SEL1L3: variants seen among roughly 807,000 people sequenced by gnomAD.
SEL1L3 encodes the protein SEL1L family member 3, also known as protein sel-1 homolog 3.
In SEL1L3, 76 loss-of-function variants were observed where a neutral mutation model predicts 142.8. That is an observed-to-expected ratio of 0.53 (90% CI 0.44 to 0.64). The LOEUF is 0.64. Ranked by LOEUF, SEL1L3 falls within the 30% of genes least tolerant of loss-of-function variation. SEL1L3 has a pLI of 0.00. For synonymous variants in SEL1L3, 504 were observed against 519.6 expected, an observed-to-expected ratio of 0.97 and a Z score of 0.41; for missense variants, 1,262 against 1,381.7, an observed-to-expected ratio of 0.91 and a Z score of 1.37.
At chr4:25,804,492 C>A in intron 10 of SEL1L3, 49 bp downstream of exon 10, 1 of 1,400,554 alleles carries the variant, frequency 7.1e-7, no homozygotes, top group South Asian at 1.2e-5. Context: ...CATTGCTTTG[C>A]AAATATAATG....
intron 1 of SEL1L3, among the ~76,000 whole-genome samples, chr4:25,848,569 G>A (rs1166760653): frequency 6.6e-6 from 1 of 152,200 alleles, no homozygotes; most frequent in Non-Finnish European, 1.5e-5. Flanking sequence ...TTGAGCATGA[G>A]GTGCTGATAT....
chr4:25,844,893 C>T (rs1307273200), intron 2 of SEL1L3, among the ~76,000 whole-genome samples: 3 of 145,324 alleles, frequency 2.1e-5, no homozygotes, highest in East Asian at 4.5e-4. Context: ...AACTACCCAT[C>T]CCACCCTCCC....
chr4:25,789,920 A>G (rs1712176045), intron 12 of SEL1L3, among the ~76,000 whole-genome samples: 1 of 152,338 alleles, frequency 6.6e-6, no homozygotes, highest in Non-Finnish European at 1.5e-5. Flanking sequence ...AGAGATGTTC[A>G]AGAGACAAGG....
chr4:25,760,431 A>G (rs1718298003), intron 20 of SEL1L3, among the ~76,000 whole-genome samples: 1 of 152,212 alleles, frequency 6.6e-6, no homozygotes, highest in Non-Finnish European at 1.5e-5. Context: ...CTTTGGGTAT[A>G]TACCCAGTAA....
chr4:25,851,715 C>A (rs1716911626), intron 1 of SEL1L3, among the ~76,000 whole-genome samples: 1 of 151,806 alleles, frequency 6.6e-6, no homozygotes, highest in South Asian at 2.1e-4. Context: ...ATGGTGAAAC[C>A]CCGTCTCTTC....
chr4:25,823,740 A>C (rs1375125122), intron 6 of SEL1L3, among the ~76,000 whole-genome samples: 2 of 152,198 alleles, frequency 1.3e-5, no homozygotes, highest in Non-Finnish European at 2.9e-5. Context: ...AAAGAAAACA[A>C]AGTGTCAGGC....
chr4:25,725,262 A>G, the SEL1L3 span, among the ~76,000 whole-genome samples: 1 of 152,134 alleles, frequency 6.6e-6, no homozygotes, highest in Non-Finnish European at 1.5e-5. Context: ...TAAAGAAATA[A>G]AAGAATGGCT....
At chr4:25,753,777 A>T (rs1717759113) in intron 23 of SEL1L3, among the ~76,000 whole-genome samples, 1 of 152,196 alleles carries the variant, frequency 6.6e-6, no homozygotes, top group Non-Finnish European at 1.5e-5. Context: ...TGAGGTCAGG[A>T]GTTCAAGACC....
chr4:25,717,608 G>A, the SEL1L3 span, among the ~76,000 whole-genome samples: 5 of 152,208 alleles, frequency 3.3e-5, no homozygotes, highest in African/African-American at 1.2e-4. Flanking sequence ...GGAGGTTGAA[G>A]TGAGCCAAGA....
Position 25,802,326 on chromosome 4 carries a change from G to A in SEL1L3, c.1913C>T (p.Ala638Val). Residue 638 changes from alanine to valine, a missense_variant, in exon 11 of 24, where the codon GCC (alanine) becomes GTC (valine). Physicochemically the swap from Ala to Val is moderately conservative, Grantham distance 64. Transcript: ENST00000399878. ...GTGCTGGTCAAGGGGTGTCTTGGTG[G>A]CAATGTTGCTGTAGTAGGCATACGA... Reference protein sequence around the residue: ...ELSYAYYSNIATKTPLDQHTL... With the variant: ...ELSYAYYSNIVTKTPLDQHTL... 6.2e-7 allele frequency: 1 copy of A among 1,613,786 alleles called. No individual in the cohort carries two copies.
chr4:25,756,710 G>A, intron 23 of SEL1L3: 1 of 1,096,850 alleles, frequency 9.1e-7, no homozygotes, highest in Non-Finnish European at 1.1e-6. Context: ...ATGATTAGTG[G>A]AAACCATGCT....
chr4:25,752,191 C>T (rs560388926), intron 23 of SEL1L3, among the ~76,000 whole-genome samples: 95 of 149,904 alleles, frequency 6.3e-4, no homozygotes, highest in Middle Eastern at 3.7e-3. Context: ...CTGAGTCGGG[C>T]GGATCACTTG....
At chr4:25,840,258 C>T (rs1716083395) in intron 2 of SEL1L3, among the ~76,000 whole-genome samples, 1 of 151,716 alleles carries the variant, frequency 6.6e-6, no homozygotes, top group East Asian at 1.9e-4. Context: ...AGTGTTATTA[C>T]TGAAAAATTC....
chr4:25,735,539 T>C, the SEL1L3 span, among the ~76,000 whole-genome samples: 5 of 151,614 alleles, frequency 3.3e-5, no homozygotes, highest in African/African-American at 1.2e-4. Context: ...TCTTCTCTTT[T>C]CTTTATTATA....
At position 25,788,438 on chromosome 4, in the gene SEL1L3, G is replaced by A; in HGVS notation, c.2077-74C>T. Reference sequence around the variant, plus strand: ...TAACACAAGATTTTGAAAGGTGGGAGAGCAAACCTACTTTACGATGTTTTA... The same window carrying A: ...TAACACAAGATTTTGAAAGGTGGGAAAGCAAACCTACTTTACGATGTTTTA... On this transcript the variant is annotated intron_variant, in intron 12 of 23. Coordinates refer to ENST00000399878, the MANE Select transcript of SEL1L3 (RefSeq NM_015187.5). The surrounding 1 kb of genome is among the most constrained non-coding windows in gnomAD (Gnocchi z 5.3). The A allele has an allele frequency of 6.8e-7, 1 of 1,473,652 alleles. No homozygotes were observed. Among genetic ancestry groups the A allele is most frequent in the Admixed American group, 1.8e-5 (1 of 54,706 alleles). 91.3% of individuals were successfully genotyped at this position (1,473,652 alleles called of 1,614,324 possible).
intron 6 of SEL1L3, among the ~76,000 whole-genome samples, chr4:25,826,373 G>A (rs1715096744): frequency 6.6e-6 from 1 of 152,190 alleles, no homozygotes; most frequent in African/African-American, 2.4e-5. Flanking sequence ...TACGTTACAG[G>A]AACAAATAAA....
chr4:25,834,409 ATGAATGC>A (rs1161817555), intron 3 of SEL1L3, among the ~76,000 whole-genome samples: 9 of 152,256 alleles, frequency 5.9e-5, no homozygotes, highest in Non-Finnish European at 1.2e-4. Context: ...CAAGGTCAAA[ATGAATGC>A]ATTGATTTCT....
At chr4:25,728,665 G>T in the SEL1L3 span, among the ~76,000 whole-genome samples, 1 of 152,050 alleles carries the variant, frequency 6.6e-6, no homozygotes, top group African/African-American at 2.4e-5. Context: ...GGTGGCTCAT[G>T]CCTGTAATCC....
chr4:25,727,059 C>CT, the SEL1L3 span, among the ~76,000 whole-genome samples: 51,480 of 144,884 alleles, frequency 0.36, 9,774 homozygotes, highest in African/African-American at 0.52. Flanking sequence ...TTTTAATTTT[C>CT]TTTTTTTTTT....
Sources: gnomAD v4.1 joint callset for allele counts (sites outside exome capture counted in the v4.1 genomes callset) on GRCh38, gnomAD v4.1.1 for gene constraint, Gnocchi (gnomAD v3.1) non-coding constraint, MANE v1.5 for transcripts, NCBI Gene and HGNC (gene_info 2026-07-23, HGNC 2026-07-21) for gene names.